RSU1: variants seen among roughly 807,000 people sequenced by gnomAD.
RSU1 encodes rsu-1.
RSU1 carries 26 observed loss-of-function variants against 31.1 expected under a neutral mutation model. The ratio of observed to expected loss-of-function variants is 0.84; its 90% CI spans 0.61 to 1.16. The LOEUF is 1.16. Ranked by LOEUF, RSU1 falls within the 50% of genes most tolerant of loss-of-function variation. The probability of loss-of-function intolerance (pLI) is 0.00; values close to 1 mark genes in which losing one functional copy is unlikely to be tolerated. For synonymous variants in RSU1, 164 were observed against 136.3 expected (o/e 1.20, Z -1.41); for missense variants, 320 against 339.1 (o/e 0.94, Z 0.44).
At chr10:16,597,045 G>GA (rs1158758915) in intron 8 of RSU1, among the ~76,000 whole-genome samples, 1 of 152,224 alleles carries the variant, frequency 6.6e-6, no homozygotes, top group Non-Finnish European at 1.5e-5. Context: ...AAAGTTGACA[G>GA]AAAGATGACT....
At chr10:16,795,401 C>T (rs188792890) in intron 2 of RSU1, among the ~76,000 whole-genome samples, 2 of 139,086 alleles carry the variant, frequency 1.4e-5, no homozygotes, top group African/African-American at 5.2e-5. Context: ...TAATAACAAA[C>T]AACAATAGCT....
intron 7 of RSU1, among the ~76,000 whole-genome samples, chr10:16,704,535 A>G (rs1053769105): frequency 5.9e-5 from 9 of 152,184 alleles, no homozygotes; most frequent in African/African-American, 1.9e-4. Flanking sequence ...TTCAAAAGGT[A>G]TTGAATATTG....
intron 8 of RSU1, among the ~76,000 whole-genome samples, chr10:16,599,026 G>C (rs1051562076): frequency 6.6e-6 from 1 of 152,186 alleles, no homozygotes; most frequent in Non-Finnish European, 1.5e-5. Flanking sequence ...AAACAGCTTT[G>C]CAAACTGTCC....
At chr10:16,716,393 T>C (rs1836140813) in intron 7 of RSU1, among the ~76,000 whole-genome samples, 1 of 152,198 alleles carries the variant, frequency 6.6e-6, no homozygotes, top group Non-Finnish European at 1.5e-5. Flanking sequence ...GAAAAAGCCA[T>C]GACTCACTTT....
intron 7 of RSU1, among the ~76,000 whole-genome samples, chr10:16,739,502 G>C (rs533033921): frequency 2.9e-4 from 34 of 117,274 alleles, no homozygotes; most frequent in Non-Finnish European, 4.3e-4. Context: ...ACAGAGTCTC[G>C]CTCTGTCGCC....
chr10:16,764,220 C>T (rs1284971533), intron 4 of RSU1, among the ~76,000 whole-genome samples, 170 bp downstream of exon 4: 2 of 152,084 alleles, frequency 1.3e-5, no homozygotes, highest in Non-Finnish European at 2.9e-5. Context: ...TAATGTAGGC[C>T]ACTGAAAGAA....
intron 8 of RSU1, among the ~76,000 whole-genome samples, chr10:16,645,518 T>A (rs965811377): frequency 3.9e-5 from 6 of 152,118 alleles, no homozygotes; most frequent in African/African-American, 1.4e-4. Flanking sequence ...AGATTACAAG[T>A]CACAATGTGG....
chr10:16,780,117 T>C (rs1266830531), intron 3 of RSU1, among the ~76,000 whole-genome samples: 1 of 152,192 alleles, frequency 6.6e-6, no homozygotes, highest in Non-Finnish European at 1.5e-5. Flanking sequence ...TAACCTAATA[T>C]TATAATGCCT....
intron 3 of RSU1, among the ~76,000 whole-genome samples, chr10:16,765,419 C>T (rs1161066233): frequency 6.6e-6 from 1 of 152,024 alleles, no homozygotes; most frequent in Non-Finnish European, 1.5e-5. Flanking sequence ...TATAGAAATA[C>T]AAAAAGTCAA....
intron 7 of RSU1, among the ~76,000 whole-genome samples, chr10:16,709,958 T>A (rs1271824888): frequency 6.6e-6 from 1 of 152,202 alleles, no homozygotes; most frequent in African/African-American, 2.4e-5. Context: ...TAAGATCATG[T>A]CTGCAAACAG....
chr10:16,769,993 T>C (rs555786073), intron 3 of RSU1, among the ~76,000 whole-genome samples: 1 of 152,280 alleles, frequency 6.6e-6, no homozygotes, highest in African/African-American at 2.4e-5. Context: ...CCTAGCACAC[T>C]GAATTAAGTC....
intron 2 of RSU1, among the ~76,000 whole-genome samples, chr10:16,797,955 G>A (rs550905597): frequency 6.8e-5 from 10 of 146,836 alleles, no homozygotes; most frequent in African/African-American, 2.3e-4. Flanking sequence ...TCCGCCTCTC[G>A]GGTTCAAGGG....
chr10:16,640,012 C>T (rs1030900739), intron 8 of RSU1, among the ~76,000 whole-genome samples: 1 of 152,122 alleles, frequency 6.6e-6, no homozygotes, highest in Non-Finnish European at 1.5e-5. Context: ...ACCGATCTAG[C>T]ATTGGGTATC....
At position 16,592,707 on chromosome 10, in the gene RSU1, A is replaced by AAAGT. The variant is rs1833529403; in HGVS notation, c.*683_*686dup. 6.6e-6 allele frequency: 1 copy of AAAGT among 151,772 alleles called. No individual in the cohort carries two copies. The highest frequency in any genetic ancestry group is 2.1e-4 in the South Asian group (1 of 4,832). 9.4% of individuals were successfully genotyped at this position (151,772 alleles called of 1,614,324 possible). ...TTTGTTTTTCTGCTTCCTAATTTAG[A>AAAGT]AAGTCTTCAAAGAAAAAAAAAACTT... is the stretch of plus-strand genomic sequence containing the variant. On this transcript the variant is annotated 3_prime_UTR_variant, in exon 9 of 9. Coordinates refer to ENST00000345264, the MANE Select transcript of RSU1 (RefSeq NM_012425.4).
intron 2 of RSU1, among the ~76,000 whole-genome samples, chr10:16,800,498 G>T (rs376867990): frequency 3.3e-5 from 5 of 152,330 alleles, no homozygotes; most frequent in South Asian, 2.1e-4. Flanking sequence ...AAGAATCAGT[G>T]ATCTTGAAGA....
chr10:16,758,423 C>T (rs1057495076), intron 4 of RSU1, among the ~76,000 whole-genome samples: 3 of 152,154 alleles, frequency 2.0e-5, no homozygotes, highest in Non-Finnish European at 4.4e-5. Flanking sequence ...CTCAGGGCCC[C>T]GCTCTGACAC....
intron 8 of RSU1, among the ~76,000 whole-genome samples, chr10:16,676,720 T>C (rs544642403): frequency 6.6e-6 from 1 of 152,316 alleles, no homozygotes; most frequent in African/African-American, 2.4e-5. Flanking sequence ...GGTTCAGATA[T>C]GGTGCCTTTC....
intron 7 of RSU1, among the ~76,000 whole-genome samples, chr10:16,730,879 A>C (rs540754717): frequency 1.3e-5 from 2 of 152,238 alleles, no homozygotes; most frequent in African/African-American, 2.4e-5. Context: ...ACTGCAGTGC[A>C]ATGGCGTGAT....
intron 8 of RSU1, among the ~76,000 whole-genome samples, chr10:16,670,282 G>A (rs913391448): frequency 6.6e-6 from 1 of 152,202 alleles, no homozygotes; most frequent in Non-Finnish European, 1.5e-5. Context: ...AGTGTTCACT[G>A]AGCTTGCTAC....
Sources: allele counts gnomAD v4.1 joint callset (sites outside exome capture counted in the v4.1 genomes callset), GRCh38; gene constraint gnomAD v4.1.1; transcripts MANE v1.5; gene names NCBI Gene and HGNC (gene_info 2026-07-23, HGNC 2026-07-21).